The following RAB4A variants were observed in gnomAD, a reference collection of about 807,000 sequenced individuals.
RAB4A encodes the protein RAB4A, member RAS oncogene family.
In RAB4A, 20 loss-of-function variants were observed where a neutral mutation model predicts 34.5. The observed-to-expected ratio is 0.58, with a 90% CI of 0.41 to 0.84. The LOEUF (loss-of-function observed/expected upper bound fraction) is 0.84, where lower values mean the gene tolerates loss of function less well. RAB4A is among the 40% of genes least tolerant of loss of function. RAB4A has a pLI of 0.00. For synonymous variants in RAB4A, 102 were observed against 100.0 expected, an observed-to-expected ratio of 1.02 and a Z score of -0.12; for missense variants, 228 against 274.5, an observed-to-expected ratio of 0.83 and a Z score of 1.20.
At chr1:229,290,730 G>A (rs1657048400) in intron 3 of RAB4A, among the ~76,000 whole-genome samples, 1 of 152,134 alleles carries the variant, frequency 6.6e-6, no homozygotes, top group African/African-American at 2.4e-5. Flanking sequence ...ATTGGAGTAT[G>A]TAATAGAAAC....
At chr1:229,286,357 C>A in intron 1 of RAB4A, 129 bp from the exon 2 acceptor site, 1 of 606,268 alleles carries the variant, frequency 1.6e-6, no homozygotes, top group Non-Finnish European at 2.9e-6. Flanking sequence ...TGTCATTTCA[C>A]AAGATACTCA....
rs1390025426 is a variant in RAB4A, at chr1:229,297,499, C to A, written c.308C>A (p.Ala103Glu). Reference sequence around the variant, plus strand: ...TTACGCAGCCGAGAAACCTACAATGCGCTTACTAATTGGTTAACAGATGCC... The same window carrying A: ...TTACGCAGCCGAGAAACCTACAATGAGCTTACTAATTGGTTAACAGATGCC... ...YDITSRETYN[A>E]LTNWLTDARM... The change falls in exon 5 of 8, where the codon GCG becomes GAG. Residue 103 changes from alanine to glutamate, a missense_variant. By Grantham distance (107) the Ala-to-Glu change is moderately radical (BLOSUM62 -1). Transcript: ENST00000366690. 4.4e-6 allele frequency: 7 copies of A among 1,602,004 alleles called. No homozygotes were observed. Among genetic ancestry groups the A allele is most frequent in the Non-Finnish European group, 5.1e-6 (6 of 1,177,046 alleles).
Position 229,305,137 on chromosome 1 carries a change from G to T in RAB4A, c.*1344G>T. ...GAGACACATAAAAACTCTGGGAAATGACTAGGATAAAAATATCAGTATGTA... is the reference window on the plus strand; with the variant it reads ...GAGACACATAAAAACTCTGGGAAATTACTAGGATAAAAATATCAGTATGTA... On this transcript the variant is annotated 3_prime_UTR_variant, in exon 8 of 8. Coordinates refer to ENST00000366690, the MANE Select transcript of RAB4A (RefSeq NM_004578.4). The T allele has an allele frequency of 1.9e-6, 3 of 1,584,832 alleles. No individual in the cohort carries two copies. Among genetic ancestry groups the T allele is most frequent in the East Asian group, 2.3e-5 (1 of 43,766 alleles).
chr1:229,305,053 T>G lies in RAB4A; in HGVS notation c.*1260T>G. 1 of 1,403,426 alleles carries G rather than the reference T, an allele frequency of 7.1e-7. No individual in the cohort carries two copies. The highest frequency in any genetic ancestry group is 9.3e-7 in the Non-Finnish European group (1 of 1,072,240). 86.9% of individuals were successfully genotyped at this position (1,403,426 alleles called of 1,614,324 possible). On this transcript the variant is annotated 3_prime_UTR_variant, in exon 8 of 8. Coordinates refer to ENST00000366690, the MANE Select transcript of RAB4A (RefSeq NM_004578.4). ...ACTTTTTAGTTGAAGACTAGTAAATTAACTTTTAGTTAGAAGATGCCTACT... is the reference window on the plus strand; with the variant it reads ...ACTTTTTAGTTGAAGACTAGTAAATGAACTTTTAGTTAGAAGATGCCTACT...
chr1:229,288,364 CA>C (rs1656979036), intron 2 of RAB4A, among the ~76,000 whole-genome samples: 1 of 152,224 alleles, frequency 6.6e-6, no homozygotes, highest in Non-Finnish European at 1.5e-5. Flanking sequence ...CCACACCTGT[CA>C]CTGGGCGTTA....
rs1657312726 is a variant in RAB4A at position 229,299,006 on chromosome 1, A to G, written c.475A>G (p.Thr159Ala). 1.2e-6 allele frequency: 2 copies of G among 1,611,582 alleles called. No individual in the cohort carries two copies. Among genetic ancestry groups the G allele is most frequent in the South Asian group, 1.1e-5 (1 of 90,464 alleles). The stretch of plus-strand genomic sequence containing the variant: ...GATGTTTTTGGAAACAAGTGCGCTC[A>G]CAGGGGAGAATGTAGAAGAGGCTTT... ...ELMFLETSAL[T>A]GENVEEAFVQ... The change falls in exon 6 of 8, where the codon ACA (threonine) becomes GCA (alanine). Residue 159 changes from threonine (T) to alanine (A), a missense_variant. By Grantham distance (58) the Thr-to-Ala change is moderately conservative. Coordinates refer to ENST00000366690, the MANE Select transcript of RAB4A (RefSeq NM_004578.4).
chr1:229,281,232 A>G (rs891137293), intron 1 of RAB4A, among the ~76,000 whole-genome samples: 2 of 151,894 alleles, frequency 1.3e-5, no homozygotes, highest in African/African-American at 4.8e-5. Context: ...ACTTAATGTT[A>G]AAATCTCGAG....
intron 3 of RAB4A, among the ~76,000 whole-genome samples, chr1:229,295,144 G>GTC (rs1041007671): frequency 4.6e-5 from 7 of 151,812 alleles, no homozygotes; most frequent in African/African-American, 1.5e-4. Context: ...TAGAGACAGG[G>GTC]TCTCTCTCTC....
At chr1:229,274,752 G>A (rs1304235723) in intron 1 of RAB4A, among the ~76,000 whole-genome samples, 1 of 152,234 alleles carries the variant, frequency 6.6e-6, no homozygotes, top group Non-Finnish European at 1.5e-5. Flanking sequence ...AAAAGTATAT[G>A]TAGTGGGAAA....
intron 3 of RAB4A, 46 bp from the exon 4 acceptor site, chr1:229,295,802 A>C: frequency 6.3e-7 from 1 of 1,596,738 alleles, no homozygotes; most frequent in Non-Finnish European, 8.6e-7. Context: ...GGGATACAGT[A>C]AAGGGTCTCA....
rs151316203 is a variant in RAB4A at position 229,302,907 on chromosome 1, A to G, written c.587A>G (p.Asp196Gly). The change falls in exon 7 of 8, where the codon GAT (aspartate) becomes GGT (glycine). Residue 196 changes from aspartate to glycine, a missense_variant. Transcript: ENST00000366690. ...ERMGSGIQYG[D>G]AALRQLRSPR... Reference sequence around the variant, plus strand: ...ATGGGCTCAGGTATTCAGTACGGAGATGCTGCCTTGAGACAGCTGAGGTCA... The same window carrying G: ...ATGGGCTCAGGTATTCAGTACGGAGGTGCTGCCTTGAGACAGCTGAGGTCA... 1.5e-3 allele frequency: 2,357 copies of G among 1,613,804 alleles called. 5 individuals carry two copies. Among genetic ancestry groups the G allele is most frequent in the Non-Finnish European group, 1.9e-3 (2,201 of 1,179,914 alleles).
intron 7 of RAB4A, 120 bp downstream of exon 7, chr1:229,303,109 AT>A (rs1349350044): frequency 1.5e-6 from 1 of 688,000 alleles, no homozygotes; most frequent in Admixed American, 2.8e-5. Context: ...AGTGGCTCTA[AT>A]TCCAGCACTT....
chr1:229,302,313 T>G (rs75155050), intron 6 of RAB4A, among the ~76,000 whole-genome samples: 1 of 45,542 alleles, frequency 2.2e-5, no homozygotes, highest in South Asian at 7.3e-4. Flanking sequence ...ATATATATTT[T>G]TTTTTTTTTT....
At chr1:229,298,883 C>T in intron 5 of RAB4A, 94 bp from the exon 6 acceptor site, 1 of 848,702 alleles carries the variant, frequency 1.2e-6, no homozygotes, top group East Asian at 2.5e-5. Context: ...TATATTTCGT[C>T]TGCTTTTCTA....
chr1:229,294,105 AG>A (rs1310236553), intron 3 of RAB4A, among the ~76,000 whole-genome samples: 1 of 152,162 alleles, frequency 6.6e-6, no homozygotes, highest in Non-Finnish European at 1.5e-5. Flanking sequence ...CTTTAGAAAC[AG>A]GGTGCGTGGT....
chr1:229,282,434 T>C (rs1656801195), intron 1 of RAB4A, among the ~76,000 whole-genome samples: 1 of 152,232 alleles, frequency 6.6e-6, no homozygotes, highest in Non-Finnish European at 1.5e-5. Context: ...GAGTTTATCC[T>C]GTTTGAGTTC....
intron 6 of RAB4A, 73 bp downstream of exon 6, chr1:229,299,145 T>A: frequency 9.5e-7 from 1 of 1,054,708 alleles, no homozygotes; most frequent in Non-Finnish European, 1.4e-6. Context: ...ACCTTTTAAT[T>A]AATAGTTTCA....
intron 1 of RAB4A, among the ~76,000 whole-genome samples, chr1:229,280,537 TTGTC>T (rs561417653): frequency 8.5e-5 from 13 of 152,248 alleles, no homozygotes; most frequent in African/African-American, 3.1e-4. Context: ...TACAGAGTCA[TTGTC>T]TGATAATATC....
intron 1 of RAB4A, among the ~76,000 whole-genome samples, chr1:229,283,858 C>A (rs1195554301): frequency 6.6e-6 from 1 of 151,516 alleles, no homozygotes. Flanking sequence ...TCCCAAGTAG[C>A]TGGGATTACA....
Sources: gnomAD v4.1 joint callset for allele counts (sites outside exome capture counted in the v4.1 genomes callset) on GRCh38, gnomAD v4.1.1 for gene constraint, MANE v1.5 for transcripts, NCBI Gene and HGNC (gene_info 2026-07-23, HGNC 2026-07-21) for gene names.